Variants in GAK observed in about 807,000 individuals in gnomAD.
GAK encodes the protein cyclin-G-associated kinase.
Under a neutral mutation model 143.9 loss-of-function variants are expected in GAK, and 79 were observed. The ratio of observed to expected loss-of-function variants is 0.55; its 90% CI spans 0.46 to 0.66. GAK has a LOEUF of 0.66. GAK is among the 30% of genes least tolerant of loss of function. The pLI, the probability that GAK is intolerant of heterozygous loss-of-function variation, is 0.00. For missense variants in GAK, 1,693 were observed against 1,779.7 expected (o/e 0.95, Z 0.88); for synonymous variants, 881 against 765.5 (o/e 1.15, Z -2.49).
chr4:896,360 G>A (rs1275071185), intron 7 of GAK, 100 bp downstream of exon 7: 3 of 849,998 alleles, frequency 3.5e-6, no homozygotes, highest in Non-Finnish European at 6.0e-6. Context: ...GGGTGGAGGA[G>A]GCAGGCCAGT....
chr4:926,874 A>ACCCCTCCCCGCTC, intron 1 of GAK, among the ~76,000 whole-genome samples: 1 of 34,782 alleles, frequency 2.9e-5, no homozygotes, highest in African/African-American at 1.1e-4. Context: ...ACTGCCCCGC[A>ACCCCTCCCCGCTC]ACCCCCCCCA....
At chr4:909,124 G>C (rs1407222388) in intron 4 of GAK, among the ~76,000 whole-genome samples, 7 of 152,240 alleles carry the variant, frequency 4.6e-5, no homozygotes, top group African/African-American at 1.7e-4. Context: ...TAGGATTACA[G>C]GCGTGAGCCA....
At chr4:856,445 G>A (rs1208976314) in intron 24 of GAK, among the ~76,000 whole-genome samples, 5 of 137,144 alleles carry the variant, frequency 3.6e-5, no homozygotes, top group African/African-American at 1.1e-4. Context: ...CACCACAGCT[G>A]CTCACTACAG....
At chr4:888,099 C>T (rs1026828086) in intron 11 of GAK, 9 of 152,396 alleles carry the variant, frequency 5.9e-5, no homozygotes, top group African/African-American at 1.4e-4. Flanking sequence ...AGAAAAAGCC[C>T]GAAGGTGTCG....
chr4:907,673 G>A (rs891752422), intron 4 of GAK, among the ~76,000 whole-genome samples: 5 of 152,224 alleles, frequency 3.3e-5, no homozygotes, highest in Non-Finnish European at 5.9e-5. Context: ...GGGAGGGACC[G>A]GGCACATCCC....
At chr4:878,890 A>G (rs1036976514) in intron 15 of GAK, among the ~76,000 whole-genome samples, 3 of 152,254 alleles carry the variant, frequency 2.0e-5, no homozygotes, top group African/African-American at 7.2e-5. Context: ...CACCACTTCT[A>G]TGGTGACGGT....
rs1252205006 is a variant in GAK, at chr4:897,848, C to T, written c.651+185G>A. The T allele has an allele frequency of 1.4e-5, 8 of 557,066 alleles. 1 individual carries two copies. The East Asian group carries it at 2.9e-4, about 20-fold the overall frequency. 34.5% of individuals were successfully genotyped at this position (557,066 alleles called of 1,614,324 possible). On this transcript the variant is annotated intron_variant, in intron 6 of 27. Coordinates refer to ENST00000314167, the MANE Select transcript of GAK (RefSeq NM_005255.4). ...CCTGTAACCCCAGCTACTCGGGAGG[C>T]AGAGGCAGAAGAATCGCTTGAACCC...
At chr4:877,495 A>G in intron 16 of GAK, 120 bp downstream of exon 16, 1 of 1,047,118 alleles carries the variant, frequency 9.6e-7, no homozygotes, top group Admixed American at 2.9e-5. Context: ...CAGACGCCAC[A>G]GTTCCAAACA....
rs138284354 is a variant in GAK, at chr4:851,606, G to A, written c.3508+144C>T. The A allele has an allele frequency of 2.6e-3, 2,059 of 791,894 alleles. 18 individuals carry two copies. In the African/African-American group the frequency reaches 0.032, roughly 12 times the overall value. 49.1% of individuals were successfully genotyped at this position (791,894 alleles called of 1,614,324 possible). A position where few individuals can be genotyped will look rare whatever the true frequency, so the allele number is the denominator to read the frequency against. Reference sequence around the variant, plus strand: ...AGAGAGAGACCAGTGAACACACATCGGAAACCGCGTCGTTCTCTGAGTGGC... The same window carrying A: ...AGAGAGAGACCAGTGAACACACATCAGAAACCGCGTCGTTCTCTGAGTGGC... On this transcript the variant is annotated intron_variant, in intron 25 of 27. Coordinates refer to ENST00000314167, the MANE Select transcript of GAK (RefSeq NM_005255.4).
chr4:930,852 G>A lies in GAK; in HGVS notation c.145+1191C>T, dbSNP rs1012906026. 2.6e-5 allele frequency among the ~76,000 whole-genome samples: 4 copies of A among 152,048 alleles called. No homozygotes were observed. In the East Asian group the frequency reaches 7.7e-4, roughly 29 times the overall value. ...ATAATGCTACAGTCAAAATGTCTCC[G>A]CAGGCCTTTTGTGATAATCAGAATT... On this transcript the variant is annotated intron_variant, in intron 1 of 27. Coordinates refer to ENST00000314167, the MANE Select transcript of GAK (RefSeq NM_005255.4).
At chr4:856,026 CTG>C (rs1221064882) in intron 24 of GAK, among the ~76,000 whole-genome samples, 2 of 152,212 alleles carry the variant, frequency 1.3e-5, no homozygotes, top group African/African-American at 4.8e-5. Flanking sequence ...GCTGCCCAGA[CTG>C]GAGTGCAGTG....
In GAK at chr4:929,568, G is replaced by A. The variant is rs73792047; in HGVS notation, c.145+2475C>T. Among the ~76,000 whole-genome samples the A allele has an allele frequency of 3.6e-3, 554 of 152,112 alleles. 7 individuals are homozygous for A. Among genetic ancestry groups the A allele is most frequent in the African/African-American group, 0.013 (529 of 41,490 alleles). On this transcript the variant is annotated intron_variant, in intron 1 of 27. Transcript: ENST00000314167. ...ATAATCTGCCTTTTAAAAAAGTGAAGACTAGCTAGGTGCAGCAGCACATGC... is the reference window on the plus strand; with the variant it reads ...ATAATCTGCCTTTTAAAAAAGTGAAAACTAGCTAGGTGCAGCAGCACATGC...
Position 859,710 on chromosome 4 carries a change from G to A in GAK, c.3179C>T (p.Ser1060Phe), listed in dbSNP as rs758231505. ...ACAAGGGGCCGGCTGACCTCCAGGA[G>A]AGAAGAGGGGGCCTGGAGAAGGGGC... Reference protein sequence around the residue: ...PTPATEGPLFSPGGQPAPCGS... With the variant: ...PTPATEGPLFFPGGQPAPCGS... Residue 1060 changes from serine (S) to phenylalanine (F), a missense_variant, in exon 24 of 28, where the codon TCT becomes TTT. By Grantham distance (155) the Ser-to-Phe change is radical. Coordinates refer to ENST00000314167, the MANE Select transcript of GAK (RefSeq NM_005255.4). 4 of 1,592,126 alleles carry A rather than the reference G, an allele frequency of 2.5e-6. No individual in the cohort carries two copies. Among genetic ancestry groups the A allele is most frequent in the Admixed American group, 1.7e-5 (1 of 59,048 alleles).
At chr4:852,104 C>T (rs554365004) in intron 24 of GAK, 130 bp from the exon 25 acceptor site, 14 of 816,206 alleles carry the variant, frequency 1.7e-5, no homozygotes, top group South Asian at 1.1e-4. Flanking sequence ...CACTCGAGGC[C>T]GTCCAGAGGT....
At chr4:893,286 G>A (rs900390231) in intron 9 of GAK, 91 bp downstream of exon 9, 2 of 905,738 alleles carry the variant, frequency 2.2e-6, no homozygotes, top group African/African-American at 1.8e-5. Flanking sequence ...GGGCTCACAT[G>A]TGCCTCCCTC....
intron 18 of GAK, among the ~76,000 whole-genome samples, chr4:874,147 TTGTG>T (rs375821556): frequency 1.3e-4 from 20 of 151,756 alleles, no homozygotes; most frequent in South Asian, 4.2e-4. Flanking sequence ...GCGCTGGTGC[TTGTG>T]TGTGTGTACA....
chr4:890,525 C>A lies in GAK; in HGVS notation c.1081+7G>T, dbSNP rs777272178. 1 of 1,600,292 alleles carries A rather than the reference C, an allele frequency of 6.2e-7. No homozygotes were observed. Among genetic ancestry groups the A allele is most frequent in the Non-Finnish European group, 8.5e-7 (1 of 1,172,960 alleles). ...GACAGGTGGCGGGCACAGGACAGGG[C>A]ACTCACCTCCACTGTAGCCACTGCC... is the stretch of plus-strand genomic sequence containing the variant. On this transcript the variant is annotated splice_region_variant and intron_variant, in intron 10 of 27. Transcript: ENST00000314167.
At position 849,581 on chromosome 4, in the gene GAK, C is replaced by T; in HGVS notation, c.*92G>A. ...CGGAGCCCCACCCTGGCCACACCTG[C>T]TGTCGCCCACGGGGTCCTCACGGTG... On this transcript the variant is annotated 3_prime_UTR_variant, in exon 28 of 28. Coordinates refer to ENST00000314167, the MANE Select transcript of GAK (RefSeq NM_005255.4). 1 of 973,196 alleles carries T rather than the reference C, an allele frequency of 1.0e-6. No individual in the cohort carries two copies. The highest frequency in any genetic ancestry group is 1.6e-6 in the Non-Finnish European group (1 of 625,100). 60.3% of individuals were successfully genotyped at this position (973,196 alleles called of 1,614,324 possible). A position where few individuals can be genotyped will look rare whatever the true frequency, so the allele number is the denominator to read the frequency against.
At chr4:913,549 C>A in intron 2 of GAK, 58 bp downstream of exon 2, 2 of 1,299,136 alleles carry the variant, frequency 1.5e-6, no homozygotes, top group Admixed American at 1.7e-5. Context: ...AAGACTGTCA[C>A]CAGACAGTCC....
Sources: gnomAD v4.1 joint callset for allele counts (sites outside exome capture counted in the v4.1 genomes callset) on GRCh38, gnomAD v4.1.1 for gene constraint, MANE v1.5 for transcripts, NCBI Gene and HGNC (gene_info 2026-07-23, HGNC 2026-07-21) for gene names.